Variants in SP1 observed in about 807,000 individuals in gnomAD.
The protein encoded by SP1 is Sp1 transcription factor, also known as transcription factor Sp1.
SP1 carries 6 observed loss-of-function variants against 66.3 expected under a neutral mutation model. That is an observed-to-expected ratio of 0.09 (90% CI 0.05 to 0.18). SP1 has a LOEUF of 0.18. SP1 is among the 10% of genes least tolerant of loss of function. SP1 has a pLI of 1.00. For missense variants in SP1, 848 were observed against 964.5 expected (o/e 0.88, Z 1.60); for synonymous variants, 417 against 360.8 (o/e 1.16, Z -1.77).
chr12:53,382,422 C>A lies in SP1; in HGVS notation c.475C>A (p.Gln159Lys). 6.2e-7 allele frequency: 1 copy of A among 1,614,170 alleles called. No homozygotes were observed. The highest frequency in any genetic ancestry group is 8.5e-7 in the Non-Finnish European group (1 of 1,180,022). The change falls in exon 3 of 6, where the codon CAA becomes AAA. Residue 159 changes from glutamine (Q) to lysine (K), a missense_variant. Physicochemically the swap from Gln to Lys is moderately conservative, Grantham distance 53. Around this residue, in one of 7 missense-constraint regions of SP1, gnomAD observed 606 missense variants for 589.9 expected, o/e 1.03. Transcript: ENST00000327443. ...VAAAPNLQNQQVLTGLPGVMP... is the reference protein window; with the variant it reads ...VAAAPNLQNQKVLTGLPGVMP... ...TGCCGCTCCCAACTTACAGAACCAG[C>A]AAGTTCTGACAGGACTACCTGGAGT...
In SP1 at chr12:53,415,712, T is replaced by C. The variant is rs1938982923; in HGVS notation, c.*4472T>C. 1 of 151,944 alleles carries C rather than the reference T, an allele frequency of 6.6e-6. No individual in the cohort carries two copies. The highest frequency in any genetic ancestry group is 2.4e-5 in the African/African-American group (1 of 41,222). The allele number at this position is 151,944 out of a possible 1,614,324, so 9.4% of individuals were successfully genotyped here. ...AAGTAGTGAGGATTTTGTTGATACC[T>C]CTGCTGGGATGTGTGCTTTCCCATA... On this transcript the variant is annotated 3_prime_UTR_variant, in exon 6 of 6. Transcript: ENST00000327443.
At chr12:53,407,298 T>C (rs560308339) in intron 4 of SP1, among the ~76,000 whole-genome samples, 2 of 150,634 alleles carry the variant, frequency 1.3e-5, no homozygotes, top group Admixed American at 6.7e-5. Flanking sequence ...AATATTTTAC[T>C]GGCCATAAAA....
In SP1 at chr12:53,412,087, G is replaced by C. The variant is rs1938901244; in HGVS notation, c.*847G>C. The C allele has an allele frequency of 6.6e-6, 1 of 152,124 alleles. No individual in the cohort carries two copies. Among genetic ancestry groups the C allele is most frequent in the Non-Finnish European group, 1.5e-5 (1 of 68,038 alleles). The allele number at this position is 152,124 out of a possible 1,614,324, so 9.4% of individuals were successfully genotyped here. The stretch of plus-strand genomic sequence containing the variant: ...GAATGGAAAAATCCTTGAAGCCCAG[G>C]CTGATGCTTGAAGTAACTGTGGAGG... On this transcript the variant is annotated 3_prime_UTR_variant, in exon 6 of 6. Coordinates refer to ENST00000327443, the MANE Select transcript of SP1 (RefSeq NM_138473.3).
At chr12:53,381,508 C>A in intron 1 of SP1, 151 bp from the exon 2 acceptor site, 1 of 619,970 alleles carries the variant, frequency 1.6e-6, no homozygotes, top group Non-Finnish European at 2.7e-6. Context: ...TGCCCTGCAG[C>A]TCCCCTCTGC....
chr12:53,380,638 C>T (rs1938066032), intron 1 of SP1: 3 of 999,702 alleles, frequency 3.0e-6, no homozygotes, highest in East Asian at 1.0e-4. Flanking sequence ...GCGGCCCGAG[C>T]AGCGAAGGCC....
rs1388448587 is a variant in SP1, at chr12:53,411,808, T to C, written c.*568T>C. ...TGAGCCTTGTTGTGACACATCAAGCTTTTCTGTAGATGTTGTCTTGGCTTC... is the reference window on the plus strand; with the variant it reads ...TGAGCCTTGTTGTGACACATCAAGCCTTTCTGTAGATGTTGTCTTGGCTTC... On this transcript the variant is annotated 3_prime_UTR_variant, in exon 6 of 6. Coordinates refer to ENST00000327443, the MANE Select transcript of SP1 (RefSeq NM_138473.3). 1 of 152,430 alleles carries C rather than the reference T, an allele frequency of 6.6e-6. No homozygotes were observed. The highest frequency in any genetic ancestry group is 2.4e-5 in the African/African-American group (1 of 41,394). The allele number at this position is 152,430 out of a possible 1,614,324, so 9.4% of individuals were successfully genotyped here.
At chr12:53,397,030 T>C (rs1454940869) in intron 3 of SP1, among the ~76,000 whole-genome samples, 1 of 152,152 alleles carries the variant, frequency 6.6e-6, no homozygotes, top group Admixed American at 6.6e-5. Context: ...TGTTTTTTGT[T>C]TTGAGCGGGA....
At chr12:53,404,356 C>G (rs1245047831) in intron 3 of SP1, among the ~76,000 whole-genome samples, 2 of 151,656 alleles carry the variant, frequency 1.3e-5, no homozygotes, top group Non-Finnish European at 2.9e-5. Flanking sequence ...ATGGTGAAAC[C>G]CCATCTCTAC....
chr12:53,409,655 T>A, intron 5 of SP1, 94 bp downstream of exon 5: 1 of 1,070,856 alleles, frequency 9.3e-7, no homozygotes, highest in Non-Finnish European at 1.4e-6. Context: ...CTGAGCAACT[T>A]AATTTGAAAC....
At chr12:53,404,937 G>T (rs1426478939) in intron 3 of SP1, among the ~76,000 whole-genome samples, 2 of 152,078 alleles carry the variant, frequency 1.3e-5, no homozygotes, top group African/African-American at 2.4e-5. Flanking sequence ...CTGGGTTCAA[G>T]CAATTCCTGT....
At chr12:53,395,999 A>G (rs1249707384) in intron 3 of SP1, among the ~76,000 whole-genome samples, 1 of 152,132 alleles carries the variant, frequency 6.6e-6, no homozygotes, top group East Asian at 1.9e-4. Context: ...GCACGCCTGT[A>G]GTCCCAGCTA....
rs1938931092 is a variant in SP1, at chr12:53,413,204, A to G, written c.*1964A>G. The stretch of plus-strand genomic sequence containing the variant: ...TAGAAATCTATCTTAAAACCTGGGT[A>G]TGTTCCTAAGGTCATTTCTTTGCTT... On this transcript the variant is annotated 3_prime_UTR_variant, in exon 6 of 6. Coordinates refer to ENST00000327443, the MANE Select transcript of SP1 (RefSeq NM_138473.3). 1 of 152,548 alleles carries G rather than the reference A, an allele frequency of 6.6e-6. No homozygotes were observed. The highest frequency in any genetic ancestry group is 2.1e-4 in the South Asian group (1 of 4,836). 9.4% of individuals were successfully genotyped at this position (152,548 alleles called of 1,614,324 possible). A position where few individuals can be genotyped will look rare whatever the true frequency, so the allele number is the denominator to read the frequency against.
At position 53,383,612 on chromosome 12, in the gene SP1, A is replaced by T; in HGVS notation, c.1665A>T (p.Ala555=). 6.2e-7 allele frequency: 1 copy of T among 1,604,276 alleles called. No individual in the cohort carries two copies. The highest frequency in any genetic ancestry group is 8.5e-7 in the Non-Finnish European group (1 of 1,175,152). ...HPIQGLPLAI[A]NAPGDHGAQL... ...TTCAAGGCCTGCCGTTGGCTATAGC[A>T]AATGCCCCAGGTAAGATTTCCAATC... The change falls in exon 3 of 6, where the codon GCA becomes GCT. Residue 555 remains alanine, a synonymous_variant. Transcript: ENST00000327443.
chr12:53,389,658 C>T (rs1469898595), intron 3 of SP1, among the ~76,000 whole-genome samples: 1 of 151,672 alleles, frequency 6.6e-6, no homozygotes, highest in Non-Finnish European at 1.5e-5. Flanking sequence ...AACAGCTTTT[C>T]CTTTCATTTT....
chr12:53,380,231 T>C lies in SP1; in HGVS notation c.-61T>C, dbSNP rs1592551901. On this transcript the variant is annotated 5_prime_UTR_variant, in exon 1 of 6. Transcript: ENST00000327443. The stretch of plus-strand genomic sequence containing the variant: ...CTTGCCTCGTCAGCGTCCGCGTTTT[T>C]CCCGGCCCCCCCCAACCCCCCCGGA... The C allele has an allele frequency of 5.4e-6, 7 of 1,289,374 alleles. No homozygotes were observed. Among genetic ancestry groups the C allele is most frequent in the South Asian group, 3.6e-5 (3 of 83,252 alleles). 79.9% of individuals were successfully genotyped at this position (1,289,374 alleles called of 1,614,324 possible).
chr12:53,398,592 A>C (rs192756603), intron 3 of SP1, among the ~76,000 whole-genome samples: 332 of 152,228 alleles, frequency 2.2e-3, no homozygotes, highest in African/African-American at 7.5e-3. Context: ...TTTTATTTTT[A>C]TGTTTTAATA....
chr12:53,385,716 C>T (rs1257063544), intron 3 of SP1, among the ~76,000 whole-genome samples: 1 of 152,038 alleles, frequency 6.6e-6, no homozygotes, highest in East Asian at 1.9e-4. Flanking sequence ...AGTTCAAGAC[C>T]AGCCTGACCA....
Position 53,415,032 on chromosome 12 carries a change from T to G in SP1, c.*3792T>G, listed in dbSNP as rs1447189700. 1.3e-5 allele frequency: 2 copies of G among 152,654 alleles called. No individual in the cohort carries two copies. The highest frequency in any genetic ancestry group is 3.9e-4 in the East Asian group (2 of 5,184). 9.5% of individuals were successfully genotyped at this position (152,654 alleles called of 1,614,324 possible). ...GAGGGAAAATGTGAAATCTCAGAAT[T>G]TATCTCCCTTAGAAGAGAGCCAGTA... On this transcript the variant is annotated 3_prime_UTR_variant, in exon 6 of 6. Transcript: ENST00000327443.
rs1301787109 is a variant in SP1, at chr12:53,414,731, G to T, written c.*3491G>T. The T allele has an allele frequency of 6.6e-6, 1 of 152,604 alleles. No individual in the cohort carries two copies. Among genetic ancestry groups the T allele is most frequent in the African/African-American group, 2.4e-5 (1 of 41,446 alleles). The allele number at this position is 152,604 out of a possible 1,614,324, so 9.5% of individuals were successfully genotyped here. ...TCACATTGTGTGAATACTGGAAGCTGCAGATCTTTGCTAGGACGCAATAAA... is the reference window on the plus strand; with the variant it reads ...TCACATTGTGTGAATACTGGAAGCTTCAGATCTTTGCTAGGACGCAATAAA... On this transcript the variant is annotated 3_prime_UTR_variant, in exon 6 of 6. Transcript: ENST00000327443.
Sources: allele counts gnomAD v4.1 joint callset (sites outside exome capture counted in the v4.1 genomes callset), GRCh38; gene constraint gnomAD v4.1.1; regional missense constraint gnomAD v4.1.1; transcripts MANE v1.5; gene names NCBI Gene and HGNC (gene_info 2026-07-23, HGNC 2026-07-21).